Variants in PZP observed in about 807,000 individuals in gnomAD.
The protein encoded by PZP is pregnancy zone protein.
In PZP, 150 loss-of-function variants were observed where a neutral mutation model predicts 179.8. That is an observed-to-expected ratio of 0.83 (90% confidence interval 0.73 to 0.96). PZP has a LOEUF of 0.96. Ranked by LOEUF, PZP falls within the 40% of genes least tolerant of loss-of-function variation. PZP has a pLI of 0.00. For synonymous variants in PZP, 624 were observed against 652.3 expected (o/e 0.96, Z 0.66); for missense variants, 1,689 against 1,764.0 (o/e 0.96, Z 0.76).
chr12:9,162,362 A>G (rs1941270819), intron 22 of PZP: 11 of 471,816 alleles, frequency 2.3e-5, no homozygotes, highest in South Asian at 1.2e-4. Context: ...AGGGCTACGT[A>G]TGAACCAAGA....
chr12:9,165,100 G>C (rs191257406), intron 19 of PZP, 39 bp downstream of exon 19: 33 of 1,590,150 alleles, frequency 2.1e-5, no homozygotes, highest in Non-Finnish European at 2.8e-5. Context: ...GGAATCTTTT[G>C]TTCTACCCAC....
intron 8 of PZP, 112 bp from the exon 9 acceptor site, chr12:9,196,797 T>A: frequency 1.1e-6 from 1 of 915,886 alleles, no homozygotes; most frequent in Non-Finnish European, 1.7e-6. Flanking sequence ...TTAAGTAAGT[T>A]AATTGACCTT....
At position 9,152,931 on chromosome 12, in the gene PZP, A is replaced by C; in HGVS notation, c.4014T>G (p.Ile1338Met). 1.2e-6 allele frequency: 2 copies of C among 1,614,136 alleles called. No individual in the cohort carries two copies. Among genetic ancestry groups the C allele is most frequent in the Non-Finnish European group, 1.7e-6 (2 of 1,180,012 alleles). Residue 1338 changes from isoleucine (I) to methionine (M), a missense_variant, in exon 31 of 36, where the codon ATT becomes ATG. Ile to Met is a conservative substitution (Grantham distance 10). Coordinates refer to ENST00000261336, the MANE Select transcript of PZP (RefSeq NM_002864.3). The stretch of plus-strand genomic sequence containing the variant: ...ATGGGGAGTCCTCTTTCTCTGGAAG[A>C]ATATTGTATTTCATGGATGTCTGTG... ...VYLQTSMKYNILPEKEDSPFA... is the reference protein window; with the variant it reads ...VYLQTSMKYNMLPEKEDSPFA...
intron 7 of PZP, among the ~76,000 whole-genome samples, chr12:9,197,919 T>G (rs970204266): frequency 7.8e-6 from 1 of 128,660 alleles, no homozygotes; most frequent in Non-Finnish European, 1.6e-5. Flanking sequence ...ATATTATATA[T>G]TATATAAGTT....
At chr12:9,200,520 T>A (rs1019733273) in intron 6 of PZP, 72 bp from the exon 7 acceptor site, 72 of 1,223,334 alleles carry the variant, frequency 5.9e-5, no homozygotes, top group Non-Finnish European at 8.0e-5. Flanking sequence ...TTTCAGTATG[T>A]CTATAATTTT....
At chr12:9,207,743 T>A (rs1472838797) in intron 1 of PZP, among the ~76,000 whole-genome samples, 1 of 152,178 alleles carries the variant, frequency 6.6e-6, no homozygotes, top group Non-Finnish European at 1.5e-5. Context: ...GGAGAGGAAC[T>A]GGGGAGAGGT....
chr12:9,150,258 C>T (rs1263646703), intron 34 of PZP, among the ~76,000 whole-genome samples: 1 of 152,090 alleles, frequency 6.6e-6, no homozygotes, highest in Non-Finnish European at 1.5e-5. Context: ...TAAATTTGTT[C>T]AGTAAGTTTT....
At chr12:9,150,817 C>A (rs751769721) in intron 33 of PZP, 71 bp from the exon 34 acceptor site, 7 of 946,858 alleles carry the variant, frequency 7.4e-6, no homozygotes, top group South Asian at 1.4e-5. Context: ...AAAACATATT[C>A]TTATTGTTCT....
In PZP at chr12:9,153,212, G is replaced by A; in HGVS notation, c.3906C>T (p.Asn1302=). The A allele has an allele frequency of 6.2e-7, 1 of 1,614,180 alleles. No homozygotes were observed. Among genetic ancestry groups the A allele is most frequent in the Non-Finnish European group, 8.5e-7 (1 of 1,180,008 alleles). ...ATGAGATCTGCTGCAGTAATAGGAG[G>A]TTGTTGTTGTCTACTTGGAAATTTG... ...FSTNFQVDNN[N]LLLLQQISLP... Residue 1302 remains asparagine, a synonymous_variant, in exon 30 of 36, where the codon AAC becomes AAT. Coordinates refer to ENST00000261336, the MANE Select transcript of PZP (RefSeq NM_002864.3).
Position 9,201,046 on chromosome 12 carries a change from A to G in PZP, c.516T>C (p.Asn172=). The G allele has an allele frequency of 1.2e-6, 2 of 1,613,998 alleles. No individual in the cohort carries two copies. ...TGAGACTCTGCCATTGTGCAATTCG[A>G]TTTCTTCTTGGGTTCTGAAGGGAAA... ...PLIYLENPRR[N]RIAQWQSLKL... The change falls in exon 6 of 36, where the codon AAT becomes AAC. Residue 172 remains asparagine (N), a synonymous_variant. Coordinates refer to ENST00000261336, the MANE Select transcript of PZP (RefSeq NM_002864.3).
At chr12:9,154,482 A>C in intron 29 of PZP, 134 bp downstream of exon 29, 1 of 899,760 alleles carries the variant, frequency 1.1e-6, no homozygotes, top group Middle Eastern at 2.7e-4. Flanking sequence ...TTAAATTCTC[A>C]TGGTCCTCAA....
chr12:9,153,354 C>G lies in PZP; in HGVS notation c.3775-11G>C, dbSNP rs377592811. Reference sequence around the variant, plus strand: ...AGCCACCACTGTGTCCTGGAAGAGACGAGTGGACAACCGCCCCAAAGAGTA... The same window carrying G: ...AGCCACCACTGTGTCCTGGAAGAGAGGAGTGGACAACCGCCCCAAAGAGTA... On this transcript the variant is annotated splice_polypyrimidine_tract_variant and intron_variant, in intron 29 of 35. Coordinates refer to ENST00000261336, the MANE Select transcript of PZP (RefSeq NM_002864.3). 20 of 1,605,104 alleles carry G rather than the reference C, an allele frequency of 1.2e-5. No individual in the cohort carries two copies. The highest frequency in any genetic ancestry group is 1.1e-4 in the East Asian group (5 of 44,802).
intron 4 of PZP, 71 bp from the exon 5 acceptor site, chr12:9,201,418 A>G: frequency 1.7e-6 from 2 of 1,175,028 alleles, no homozygotes; most frequent in Non-Finnish European, 2.5e-6. Context: ...ACTTGTGATC[A>G]AACAACAAAC....
rs759340902 is a variant in PZP at position 9,169,607 on chromosome 12, G to A, written c.1840-16C>T. ...GATTATATACCTGTAGCAGTGGGGG[G>A]ATCAAAGGCAGAACTGTTACTTACT... On this transcript the variant is annotated splice_polypyrimidine_tract_variant and intron_variant, in intron 15 of 35. Coordinates refer to ENST00000261336, the MANE Select transcript of PZP (RefSeq NM_002864.3). 1.3e-6 allele frequency: 2 copies of A among 1,574,128 alleles called. No homozygotes were observed. The highest frequency in any genetic ancestry group is 2.4e-5 in the South Asian group (2 of 83,734).
intron 26 of PZP, 109 bp from the exon 27 acceptor site, chr12:9,157,950 C>T (rs761388052): frequency 2.8e-5 from 26 of 934,106 alleles, no homozygotes; most frequent in Non-Finnish European, 3.7e-5. Context: ...CAAAGTATAC[C>T]ATTTCCTTCT....
downstream of PZP, among the ~76,000 whole-genome samples, chr12:9,145,811 G>T (rs922172902): frequency 6.6e-6 from 1 of 152,114 alleles, no homozygotes; most frequent in Non-Finnish European, 1.5e-5. Flanking sequence ...GGTTTCCCAG[G>T]TATAGTATTC....
At chr12:9,145,811 G>A (rs922172902), downstream of PZP, among the ~76,000 whole-genome samples, 1 of 152,114 alleles carries the variant, frequency 6.6e-6, no homozygotes, top group Non-Finnish European at 1.5e-5. Flanking sequence ...GGTTTCCCAG[G>A]TATAGTATTC....
intron 17 of PZP, among the ~76,000 whole-genome samples, chr12:9,166,488 C>T (rs985488439): frequency 5.9e-5 from 9 of 152,022 alleles, no homozygotes; most frequent in African/African-American, 1.9e-4. Context: ...GGTTTTGTGG[C>T]GAAGGACCAA....
At chr12:9,202,192 T>G in intron 4 of PZP, 127 bp downstream of exon 4, 1 of 834,414 alleles carries the variant, frequency 1.2e-6, no homozygotes. Flanking sequence ...AAATCTGTGC[T>G]GAGGCTGGAG....
Sources: gnomAD v4.1 joint callset for allele counts (sites outside exome capture counted in the v4.1 genomes callset) on GRCh38, gnomAD v4.1.1 for gene constraint, MANE v1.5 for transcripts, NCBI Gene and HGNC (gene_info 2026-07-23, HGNC 2026-07-21) for gene names.